The following RABGAP1L variants were observed in gnomAD, a reference collection of about 807,000 sequenced individuals.
RABGAP1L encodes rab GTPase-activating protein 1-like.
In RABGAP1L, 63 loss-of-function variants were observed where a neutral mutation model predicts 137.7. The ratio of observed to expected loss-of-function variants is 0.46; its 90% confidence interval spans 0.37 to 0.56. RABGAP1L has a LOEUF of 0.56. Among genes scored for constraint, RABGAP1L ranks in the 20% least tolerant of loss-of-function variants. The probability of loss-of-function intolerance (pLI) is 0.00; values close to 1 mark genes in which losing one functional copy is unlikely to be tolerated. For missense variants in RABGAP1L, 1,095 were observed against 1,244.0 expected (o/e 0.88, Z 1.80); for synonymous variants, 431 against 433.7 (o/e 0.99, Z 0.08).
intron 13 of RABGAP1L, among the ~76,000 whole-genome samples, chr1:174,567,419 C>T (rs1355962935): frequency 6.6e-6 from 1 of 151,854 alleles, no homozygotes; most frequent in Non-Finnish European, 1.5e-5. Context: ...AGCCATTTAT[C>T]TCATGCCTTA....
intron 19 of RABGAP1L, among the ~76,000 whole-genome samples, chr1:174,854,715 C>CTTTTTTTTTTTTTTTTTTT (rs71117584): frequency 1.2e-4 from 7 of 56,870 alleles, no homozygotes; most frequent in Non-Finnish European, 2.4e-4. Context: ...AATATAAATG[C>CTTTTTTTTTTTTTTTTTTT]TTTTTTTTTT....
chr1:174,911,557 C>G (rs1660059331), intron 19 of RABGAP1L, among the ~76,000 whole-genome samples: 1 of 152,170 alleles, frequency 6.6e-6, no homozygotes, highest in African/African-American at 2.4e-5. Flanking sequence ...AGCCTATTAT[C>G]TAGTTAGTAA....
At chr1:174,288,737 C>G (rs537414297) in intron 10 of RABGAP1L, among the ~76,000 whole-genome samples, 1 of 152,208 alleles carries the variant, frequency 6.6e-6, no homozygotes, top group East Asian at 1.9e-4. Context: ...TGACTGTCCT[C>G]TTCTTTTCCT....
At chr1:174,619,307 C>T (rs34480334) in intron 13 of RABGAP1L, among the ~76,000 whole-genome samples, 2,287 of 152,150 alleles carry the variant, frequency 0.015, 22 homozygotes, top group Non-Finnish European at 0.023. Context: ...AGATACTCCT[C>T]GAGAAGAGCA....
intron 13 of RABGAP1L, among the ~76,000 whole-genome samples, chr1:174,521,205 TTTGA>T (rs1267673973): frequency 2.0e-5 from 3 of 152,136 alleles, no homozygotes; most frequent in African/African-American, 7.2e-5. Flanking sequence ...AGAAAAATAT[TTTGA>T]TTGGATGTAT....
chr1:174,442,529 G>A (rs1654277145), intron 13 of RABGAP1L, among the ~76,000 whole-genome samples: 1 of 152,096 alleles, frequency 6.6e-6, no homozygotes, highest in African/African-American at 2.4e-5. Flanking sequence ...GGAAAGAATA[G>A]GACCTTCTAC....
chr1:174,362,141 C>T (rs1571408115), intron 11 of RABGAP1L, among the ~76,000 whole-genome samples: 1 of 152,268 alleles, frequency 6.6e-6, no homozygotes, highest in South Asian at 2.1e-4. Context: ...ACATATTATT[C>T]CATTGTGTGT....
intron 19 of RABGAP1L, among the ~76,000 whole-genome samples, chr1:174,916,159 A>C (rs1660850524): frequency 6.7e-6 from 1 of 149,016 alleles, no homozygotes; most frequent in Middle Eastern, 3.5e-3. Context: ...TTATCCCAGC[A>C]CTATTTGTTG....
At chr1:174,242,089 A>G (rs1039084440) in intron 5 of RABGAP1L, among the ~76,000 whole-genome samples, 3 of 152,172 alleles carry the variant, frequency 2.0e-5, no homozygotes, top group East Asian at 1.9e-4. Context: ...TATTTTATCA[A>G]TCTCTGTGGT....
In RABGAP1L at chr1:174,435,811, C is replaced by T. The variant is rs1181707703; in HGVS notation, c.1710+41666C>T. Among the ~76,000 whole-genome samples the T allele has an allele frequency of 4.3e-5, 6 of 138,984 alleles. No individual in the cohort carries two copies. The East Asian group carries it at 5.9e-4, about 14-fold the overall frequency. 91.2% of individuals were successfully genotyped at this position (138,984 alleles called of 152,430 possible). A position where few individuals can be genotyped will look rare whatever the true frequency, so the allele number is the denominator to read the frequency against. ...CTAATGCTATCCCTCCCCTCTCCCC[C>T]GACACCACAACCGTCCCCGGTGTGT... On this transcript the variant is annotated intron_variant, in intron 13 of 25. Transcript: ENST00000681986.
intron 10 of RABGAP1L, among the ~76,000 whole-genome samples, chr1:174,279,502 TA>T (rs1163897486): frequency 2.6e-5 from 4 of 152,174 alleles, no homozygotes; most frequent in African/African-American, 9.7e-5. Flanking sequence ...TCATATACTA[TA>T]ATATGTGGAC....
intron 19 of RABGAP1L, among the ~76,000 whole-genome samples, chr1:174,822,134 G>A (rs1455948306): frequency 6.6e-6 from 1 of 152,134 alleles, no homozygotes; most frequent in African/African-American, 2.4e-5. Context: ...GGTGGCGCAC[G>A]CCTGTAGTCC....
At position 174,219,079 on chromosome 1, in the gene RABGAP1L, T is replaced by C. The variant is rs575028857; in HGVS notation, c.-33-46T>C. 8 of 1,379,134 alleles carry C rather than the reference T, an allele frequency of 5.8e-6. No homozygotes were observed. The East Asian group carries it at 1.9e-4, about 33-fold the overall frequency. 85.4% of individuals were successfully genotyped at this position (1,379,134 alleles called of 1,614,324 possible). A position where few individuals can be genotyped will look rare whatever the true frequency, so the allele number is the denominator to read the frequency against. ...AGTTCATGTTTTTAATTAGTTCATG[T>C]TTTTAATCAGTAGGTTTTTTTTTTT... On this transcript the variant is annotated intron_variant, in intron 1 of 25. Coordinates refer to ENST00000681986, the MANE Select transcript of RABGAP1L (RefSeq NM_001366446.1).
At chr1:174,959,008 A>G (rs1039949040) in intron 20 of RABGAP1L, among the ~76,000 whole-genome samples, 2 of 152,238 alleles carry the variant, frequency 1.3e-5, no homozygotes, top group Non-Finnish European at 2.9e-5. Flanking sequence ...TTACTAGAAT[A>G]ATGCCACCTT....
In RABGAP1L at chr1:174,610,840, G is replaced by A. The variant is rs188335171; in HGVS notation, c.1711-26535G>A. ...GCATTTTTTCATGTGTTTTTTGGCT[G>A]CATAAATGTCTTCTTTTGAGAAGTG... On this transcript the variant is annotated intron_variant, in intron 13 of 25. Coordinates refer to ENST00000681986, the MANE Select transcript of RABGAP1L (RefSeq NM_001366446.1). Among the ~76,000 whole-genome samples, 1,445 of 152,260 alleles carry A rather than the reference G, an allele frequency of 9.5e-3. 25 individuals are homozygous for A. The highest frequency in any genetic ancestry group is 0.033 in the African/African-American group (1,387 of 41,558).
At chr1:174,753,780 T>C (rs1684519614) in intron 18 of RABGAP1L, among the ~76,000 whole-genome samples, 1 of 152,188 alleles carries the variant, frequency 6.6e-6, no homozygotes, top group Admixed American at 6.5e-5. Context: ...TAAAAAAATA[T>C]TAAAACATAA....
At position 174,294,648 on chromosome 1, in the gene RABGAP1L, G is replaced by A. The variant is rs534201771; in HGVS notation, c.1324-10338G>A. ...GGATATCGAGACTGGTAAATAAAAA[G>A]TAAGAAGGCTATTGTGGCCAAGATA... On this transcript the variant is annotated intron_variant, in intron 10 of 25. Transcript: ENST00000681986. Among the ~76,000 whole-genome samples, 96 of 152,294 alleles carry A rather than the reference G, an allele frequency of 6.3e-4. 1 individual carries two copies. The South Asian group carries it at 0.019, about 31-fold the overall frequency.
At chr1:174,656,630 A>G (rs954257536) in intron 14 of RABGAP1L, among the ~76,000 whole-genome samples, 3 of 152,202 alleles carry the variant, frequency 2.0e-5, no homozygotes, top group African/African-American at 4.8e-5. Flanking sequence ...GCCCTTGGCA[A>G]TCATTAACCT....
At chr1:174,186,161 A>T (rs2148316182) in intron 1 of RABGAP1L, among the ~76,000 whole-genome samples, 1 of 152,080 alleles carries the variant, frequency 6.6e-6, no homozygotes, top group East Asian at 1.9e-4. Context: ...AAAAAAAAAA[A>T]ATTTCTTAAA....
Sources: gnomAD v4.1 joint callset for allele counts (sites outside exome capture counted in the v4.1 genomes callset) on GRCh38, gnomAD v4.1.1 for gene constraint, MANE v1.5 for transcripts, NCBI Gene and HGNC (gene_info 2026-07-23, HGNC 2026-07-21) for gene names.